PCDH15: variants seen among roughly 807,000 people sequenced by gnomAD.
PCDH15 encodes protocadherin-15.
A neutral mutation model predicts 178.5 loss-of-function variants in PCDH15; 129 were observed. The observed-to-expected ratio is 0.72, with a 90% confidence interval of 0.63 to 0.84. The LOEUF is 0.84. Among genes scored for constraint, PCDH15 ranks in the 40% least tolerant of loss-of-function variants. The pLI is 0.00. For synonymous variants in PCDH15, 800 were observed against 732.0 expected (o/e 1.09, Z -1.50); for missense variants, 2,230 against 2,099.9 (o/e 1.06, Z -1.21).
intron 13 of PCDH15, among the ~76,000 whole-genome samples, chr10:54,167,124 T>G (rs2046314882): frequency 6.6e-6 from 1 of 152,216 alleles, no homozygotes; most frequent in African/African-American, 2.4e-5. Context: ...TGGACGCGCA[T>G]GAAATTTGGT....
chr10:54,854,409 C>A (rs1247839283), intron 3 of PCDH15, among the ~76,000 whole-genome samples: 1 of 152,144 alleles, frequency 6.6e-6, no homozygotes, highest in African/African-American at 2.4e-5. Context: ...TCCACGGTAA[C>A]CAAGTTATTG....
chr10:54,500,235 A>G (rs1482231345), intron 3 of PCDH15, among the ~76,000 whole-genome samples: 2 of 152,104 alleles, frequency 1.3e-5, no homozygotes, highest in Non-Finnish European at 2.9e-5. Context: ...TATAAGTGGG[A>G]GCTAAACATT....
At chr10:55,262,586 A>G (rs1842174152) in intron 1 of PCDH15, among the ~76,000 whole-genome samples, 2 of 152,186 alleles carry the variant, frequency 1.3e-5, no homozygotes, top group Admixed American at 6.5e-5. Context: ...GCCATCGACC[A>G]GCAGAACAAT....
intron 1 of PCDH15, among the ~76,000 whole-genome samples, chr10:55,281,115 C>T (rs1842722881): frequency 6.6e-6 from 1 of 152,038 alleles, no homozygotes; most frequent in Admixed American, 6.6e-5. Context: ...TATTATTTTC[C>T]CCCTTATGTT....
At chr10:54,118,327 T>C (rs368714039) in intron 15 of PCDH15, among the ~76,000 whole-genome samples, 18 of 152,144 alleles carry the variant, frequency 1.2e-4, no homozygotes, top group African/African-American at 4.3e-4. Context: ...TAGCCATACA[T>C]AGAAGAATGA....
intron 37 of PCDH15, 29 bp downstream of exon 37, chr10:53,810,527 A>C: frequency 6.3e-7 from 1 of 1,584,130 alleles, no homozygotes; most frequent in Non-Finnish European, 8.7e-7. Flanking sequence ...TTGGAATATT[A>C]TCTTACATAA....
chr10:55,597,123 GC>G (rs1842951190), intron 2 of PCDH15: 1 of 152,114 alleles, frequency 6.6e-6, no homozygotes. Flanking sequence ...CATGGCGGGA[GC>G]CTGATCCCTG....
chr10:53,988,878 C>G (rs1230991118), intron 21 of PCDH15, among the ~76,000 whole-genome samples: 3 of 151,906 alleles, frequency 2.0e-5, no homozygotes, highest in African/African-American at 7.3e-5. Flanking sequence ...AAGCTTTAGA[C>G]AAATTTAAGA....
chr10:54,704,790 G>A (rs1183048375), intron 1 of PCDH15, among the ~76,000 whole-genome samples: 1 of 152,126 alleles, frequency 6.6e-6, no homozygotes, highest in African/African-American at 2.4e-5. Context: ...ACTTAAAACA[G>A]AACTACCATT....
At chr10:54,915,931 C>T (rs980302695) in intron 2 of PCDH15, among the ~76,000 whole-genome samples, 4 of 152,050 alleles carry the variant, frequency 2.6e-5, no homozygotes, top group African/African-American at 4.8e-5. Flanking sequence ...TGGGTTCAAG[C>T]GATTCTCCTG....
chr10:55,587,046 A>G (rs1842738805), intron 2 of PCDH15, among the ~76,000 whole-genome samples: 1 of 152,150 alleles, frequency 6.6e-6, no homozygotes, highest in Non-Finnish European at 1.5e-5. Context: ...TGTTTCACTT[A>G]AAATTTGTTT....
intron 2 of PCDH15, among the ~76,000 whole-genome samples, chr10:54,944,183 G>A (rs765628598): frequency 2.0e-5 from 3 of 151,952 alleles, no homozygotes; most frequent in Non-Finnish European, 4.4e-5. Flanking sequence ...CAAATTGGGT[G>A]ATTAGGGAAA....
chr10:55,584,942 A>C (rs1842696112), intron 2 of PCDH15, among the ~76,000 whole-genome samples: 1 of 151,170 alleles, frequency 6.6e-6, no homozygotes, highest in Non-Finnish European at 1.5e-5. Flanking sequence ...TTTTTTTTTA[A>C]TCCCTGGAAA....
chr10:54,499,859 A>G (rs771921637), intron 3 of PCDH15, among the ~76,000 whole-genome samples: 8 of 152,208 alleles, frequency 5.3e-5, no homozygotes, highest in Non-Finnish European at 1.2e-4. Context: ...GTGAAAATTC[A>G]CACAAAAGAA....
At chr10:54,032,148 T>A (rs1466760682) in intron 18 of PCDH15, among the ~76,000 whole-genome samples, 7 of 152,082 alleles carry the variant, frequency 4.6e-5, no homozygotes, top group Non-Finnish European at 8.8e-5. Flanking sequence ...TAAATCTAAG[T>A]GCATTTTGCC....
intron 1 of PCDH15, among the ~76,000 whole-genome samples, chr10:54,725,837 C>A (rs1470871761): frequency 6.6e-6 from 1 of 151,280 alleles, no homozygotes; most frequent in Non-Finnish European, 1.5e-5. Flanking sequence ...AACTGGAATT[C>A]TTGGGAAACT....
intron 2 of PCDH15, among the ~76,000 whole-genome samples, chr10:54,552,519 T>C (rs1420593885): frequency 6.6e-6 from 1 of 152,198 alleles, no homozygotes; most frequent in Admixed American, 6.6e-5. Context: ...TAATACCAGC[T>C]TCCTTGAGTT....
chr10:55,620,969 G>A (rs1461680992), intron 2 of PCDH15, among the ~76,000 whole-genome samples: 1 of 151,634 alleles, frequency 6.6e-6, no homozygotes, highest in East Asian at 1.9e-4. Flanking sequence ...AACATGTCAT[G>A]CAAATGTTAA....
chr10:55,568,552 GAATA>G (rs1842348152), intron 2 of PCDH15, among the ~76,000 whole-genome samples: 1 of 151,650 alleles, frequency 6.6e-6, no homozygotes, highest in Non-Finnish European at 1.5e-5. Flanking sequence ...AAACAAATAA[GAATA>G]AATAAATAAA....
Sources: allele counts gnomAD v4.1 joint callset (sites outside exome capture counted in the v4.1 genomes callset), GRCh38; gene constraint gnomAD v4.1.1; transcripts MANE v1.5; gene names NCBI Gene and HGNC (gene_info 2026-07-23, HGNC 2026-07-21).